The following BBS2 variants were observed in gnomAD, a reference collection of about 807,000 sequenced individuals.
BBS2 encodes BBSome complex member BBS2.
A neutral mutation model predicts 83.0 loss-of-function variants in BBS2; 62 were observed. That is an observed-to-expected ratio of 0.75 (90% CI 0.61 to 0.92). The LOEUF (loss-of-function observed/expected upper bound fraction) is 0.92, where lower values mean the gene tolerates loss of function less well. BBS2 is among the 40% of genes least tolerant of loss of function. BBS2 has a pLI of 0.00. For synonymous variants in BBS2, 303 were observed against 326.1 expected (o/e 0.93, Z 0.76); for missense variants, 784 against 901.0 (o/e 0.87, Z 1.66).
At chr16:56,479,119 C>T (rs1320490207) in intron 17 of BBS2, 1 of 152,182 alleles carries the variant, frequency 6.6e-6, no homozygotes, top group East Asian at 1.9e-4. Context: ...TGGTTTCTCT[C>T]TTTATTCTTA....
rs201192199 is a variant in BBS2 at position 56,474,875 on chromosome 16, G to A, written c.*1-4180C>T. The A allele has an allele frequency of 6.4e-4, 1,030 of 1,613,152 alleles. 13 individuals are homozygous for A. The South Asian group carries it at 8.3e-3, about 13-fold the overall frequency. On this transcript the variant is annotated intron_variant, in intron 17 of 17. Transcript: ENST00000682047. ...AGGGGAACTGAGGCATTGGAAGACCGGTCACTACACTTTAATTCATGACCA... is the reference window on the plus strand; with the variant it reads ...AGGGGAACTGAGGCATTGGAAGACCAGTCACTACACTTTAATTCATGACCA...
chr16:56,475,938 C>G, intron 17 of BBS2: 3 of 1,039,874 alleles, frequency 2.9e-6, no homozygotes, highest in Non-Finnish European at 4.2e-6. Flanking sequence ...CCCCTCTATC[C>G]CCAGATTAAG....
chr16:56,497,932 T>C, intron 13 of BBS2, 52 bp from the exon 14 acceptor site: 1 of 1,578,962 alleles, frequency 6.3e-7, no homozygotes. Flanking sequence ...TTAGACAAAC[T>C]TAGCTAAAAT....
chr16:56,501,018 G>A lies in BBS2; in HGVS notation c.1233C>T (p.Ile411=), dbSNP rs1179390065. The A allele has an allele frequency of 1.9e-6, 3 of 1,614,036 alleles. No homozygotes were observed. Among genetic ancestry groups the A allele is most frequent in the Non-Finnish European group, 2.5e-6 (3 of 1,180,036 alleles). Residue 411 remains isoleucine (I), a synonymous_variant, in exon 11 of 17, where the codon ATC becomes ATT. Transcript: ENST00000245157. ...ELRISTSNDT[I]IRAVLIFAEG... ...CTGCAAAAATCAATACTGCTCGGAT[G>A]ATGGTGTCTGCAGGGAAGAGTAAAA...
intron 17 of BBS2, chr16:56,476,200 G>C (rs763170910): frequency 5.0e-6 from 8 of 1,610,928 alleles, no homozygotes; most frequent in South Asian, 2.2e-5. Flanking sequence ...CATCTATTAT[G>C]AATGACAGCA....
Position 56,510,846 on chromosome 16 carries a change from C to T in BBS2, c.534+13G>A, listed in dbSNP as rs748319105. ...GCTGAACACACAAGAGAGATATCTC[C>T]TCCCCCACATACCTCTTTCTTTCCA... On this transcript the variant is annotated intron_variant, in intron 4 of 16. Transcript: ENST00000245157. The T allele has an allele frequency of 1.1e-5, 18 of 1,613,364 alleles. No individual in the cohort carries two copies. Among genetic ancestry groups the T allele is most frequent in the Admixed American group, 6.7e-5 (4 of 60,004 alleles).
Position 56,497,811 on chromosome 16 carries a change from T to C in BBS2, c.1729A>G (p.Ile577Val), listed in dbSNP as rs1286137130. The change falls in exon 14 of 17, where the codon ATT becomes GTT. Residue 577 changes from isoleucine (I) to valine (V), a missense_variant. By Grantham distance (29) the Ile-to-Val change is conservative. Coordinates refer to ENST00000245157, the MANE Select transcript of BBS2 (RefSeq NM_031885.5). Reference protein sequence around the residue: ...IIQSMASFFAIEDLQVEADFP... With the variant: ...IIQSMASFFAVEDLQVEADFP... Reference sequence around the variant, plus strand: ...TCCGCTTCTACTTGAAGGTCTTCAATAGCAAAAAATGATGCCATTGACTGG... The same window carrying C: ...TCCGCTTCTACTTGAAGGTCTTCAACAGCAAAAAATGATGCCATTGACTGG... The C allele has an allele frequency of 4.3e-6, 7 of 1,613,042 alleles. No individual in the cohort carries two copies. The highest frequency in any genetic ancestry group is 2.2e-5 in the East Asian group (1 of 44,792).
intron 1 of BBS2, among the ~76,000 whole-genome samples, chr16:56,516,989 T>G (rs1489615545): frequency 6.6e-6 from 1 of 151,276 alleles, no homozygotes; most frequent in East Asian, 1.9e-4. Context: ...TCTCCTTTAT[T>G]TTATTTATTA....
intron 4 of BBS2, 33 bp from the exon 5 acceptor site, chr16:56,510,067 G>GT (rs1964534162): frequency 6.2e-7 from 1 of 1,603,274 alleles, no homozygotes; most frequent in Non-Finnish European, 8.5e-7. Flanking sequence ...GTTCAGGTGA[G>GT]TAAGTGCAAA....
At chr16:56,495,623 A>G (rs1964093765) in intron 15 of BBS2, among the ~76,000 whole-genome samples, 2 of 152,240 alleles carry the variant, frequency 1.3e-5, no homozygotes, top group Admixed American at 1.3e-4. Flanking sequence ...GATTTGAGCA[A>G]GCCAACTTAA....
chr16:56,490,428 C>T lies in BBS2; in HGVS notation c.1911-4690G>A, dbSNP rs578247816. 2.0e-5 allele frequency among the ~76,000 whole-genome samples: 3 copies of T among 152,014 alleles called. No homozygotes were observed. In the South Asian group the frequency reaches 6.2e-4, roughly 32 times the overall value. ...ATCCCAGCACTTTGGGAGGCCAAGG[C>T]GGGCAGATCACCTGAGGTCAGGAGT... is the stretch of plus-strand genomic sequence containing the variant. On this transcript the variant is annotated intron_variant, in intron 15 of 16. Coordinates refer to ENST00000245157, the MANE Select transcript of BBS2 (RefSeq NM_031885.5).
intron 2 of BBS2, among the ~76,000 whole-genome samples, chr16:56,513,682 G>C (rs528358908): frequency 2.3e-3 from 343 of 152,290 alleles, no homozygotes; most frequent in African/African-American, 8.2e-3. Flanking sequence ...GGTTGCCTAA[G>C]GTTAGGAGGT....
downstream of BBS2, among the ~76,000 whole-genome samples, chr16:56,483,386 T>C (rs1263316997): frequency 6.6e-6 from 1 of 152,214 alleles, no homozygotes; most frequent in East Asian, 1.9e-4. Flanking sequence ...CTCCCTCCAC[T>C]GTATGTACTG....
downstream of BBS2, among the ~76,000 whole-genome samples, chr16:56,480,356 A>AG (rs1963635660): frequency 9.9e-6 from 1 of 100,772 alleles, no homozygotes; most frequent in Non-Finnish European, 2.3e-5. Context: ...CACACACAAA[A>AG]AAAAAAAAAC....
intron 15 of BBS2, among the ~76,000 whole-genome samples, chr16:56,490,124 A>G (rs1273973173): frequency 1.6e-5 from 2 of 126,796 alleles, no homozygotes; most frequent in Non-Finnish European, 3.3e-5. Flanking sequence ...ACACACACAC[A>G]CACGCACACA....
intron 17 of BBS2, chr16:56,475,437 G>C: frequency 7.2e-7 from 1 of 1,386,914 alleles, no homozygotes; most frequent in Non-Finnish European, 1.0e-6. Context: ...CATGGGATCA[G>C]TGATTTAAGT....
chr16:56,519,701 T>C (rs373659388), intron 1 of BBS2, 45 bp downstream of exon 1: 88 of 1,497,058 alleles, frequency 5.9e-5, no homozygotes, highest in Middle Eastern at 1.9e-4. Flanking sequence ...GCGGAGATCC[T>C]GTGGTTCCCT....
In BBS2 at chr16:56,475,492, T is replaced by C. The variant is rs760691541; in HGVS notation, c.*1-4797A>G. On this transcript the variant is annotated intron_variant, in intron 17 of 17. Coordinates refer to the BBS2 transcript ENST00000682047. ...ATAGGAGCTTTCTGAATGCTGTTTG[T>C]TTTTCTCTTGTAAGGCTGGGAGCCA... 1.3e-5 allele frequency: 21 copies of C among 1,613,356 alleles called. No homozygotes were observed. In the South Asian group the frequency reaches 2.3e-4, roughly 18 times the overall value.
rs76633384 is a variant in BBS2, at chr16:56,485,324, T to C, written c.2059+266A>G. On this transcript the variant is annotated intron_variant, in intron 16 of 16. Transcript: ENST00000245157. Reference sequence around the variant, plus strand: ...TATATATATGTTTATATATTTCCTTTGGGTTATATATAGTAGGTTTTTCTT... The same window carrying C: ...TATATATATGTTTATATATTTCCTTCGGGTTATATATAGTAGGTTTTTCTT... Among the ~76,000 whole-genome samples, 485 of 152,238 alleles carry C rather than the reference T, an allele frequency of 3.2e-3. 3 individuals carry two copies. The highest frequency in any genetic ancestry group is 0.011 in the African/African-American group (464 of 41,536).
Sources: gnomAD v4.1 joint callset for allele counts (sites outside exome capture counted in the v4.1 genomes callset) on GRCh38, gnomAD v4.1.1 for gene constraint, MANE v1.5 for transcripts, NCBI Gene and HGNC (gene_info 2026-07-23, HGNC 2026-07-21) for gene names.